NIM1K: variants seen among roughly 807,000 people sequenced by gnomAD.
NIM1K encodes NIM1 serine/threonine protein kinase, also known as serine/threonine-protein kinase NIM1.
NIM1K carries 35 observed loss-of-function variants against 37.1 expected under a neutral mutation model. The ratio of observed to expected loss-of-function variants is 0.94; its 90% CI spans 0.72 to 1.25. NIM1K has a LOEUF of 1.25. NIM1K is among the 50% of genes most tolerant of loss of function. NIM1K has a pLI of 0.00. For missense variants in NIM1K, 564 were observed against 548.0 expected (o/e 1.03, Z -0.29); for synonymous variants, 234 against 206.6 (o/e 1.13, Z -1.14).
chr5:43,240,222 C>A (rs144854222), intron 1 of NIM1K: 2 of 151,474 alleles, frequency 1.3e-5, no homozygotes, highest in African/African-American at 4.9e-5. Context: ...TACAGGTGTG[C>A]GCCACCCAGC....
Position 43,280,108 on chromosome 5 carries a change from C to A in NIM1K, c.690C>A (p.Phe230Leu), listed in dbSNP as rs1753413429. Residue 230 changes from phenylalanine to leucine, a missense_variant, in exon 4 of 4, where the codon TTC becomes TTA. By Grantham distance (22) the Phe-to-Leu change is conservative. Coordinates refer to ENST00000326035, the MANE Select transcript of NIM1K (RefSeq NM_153361.4). ...VSKKGEMLNT[F>L]CGSPPYAAPE... ...AAAAAGGTGAAATGCTGAACACTTTCTGTGGGTCTCCTCCCTACGCTGCGC... is the reference window on the plus strand; with the variant it reads ...AAAAAGGTGAAATGCTGAACACTTTATGTGGGTCTCCTCCCTACGCTGCGC... 2 of 1,614,234 alleles carry A rather than the reference C, an allele frequency of 1.2e-6. No homozygotes were observed. The highest frequency in any genetic ancestry group is 1.1e-5 in the South Asian group (1 of 91,090).
chr5:43,257,441 C>A (rs1752963363), intron 2 of NIM1K, among the ~76,000 whole-genome samples: 1 of 144,666 alleles, frequency 6.9e-6, no homozygotes, highest in Admixed American at 7.2e-5. Context: ...GATCTCGGCT[C>A]ACTGCAACCT....
At chr5:43,229,604 A>G (rs1388587859) in intron 1 of NIM1K, among the ~76,000 whole-genome samples, 3 of 149,908 alleles carry the variant, frequency 2.0e-5, no homozygotes, top group South Asian at 2.1e-4. Context: ...ATATCAACCT[A>G]TATCTGTATC....
At chr5:43,265,541 G>C (rs1217206158) in intron 2 of NIM1K, among the ~76,000 whole-genome samples, 3 of 152,136 alleles carry the variant, frequency 2.0e-5, no homozygotes, top group Non-Finnish European at 4.4e-5. Flanking sequence ...AAGGTTTTTA[G>C]CTTCTTTGAG....
intron 1 of NIM1K, among the ~76,000 whole-genome samples, chr5:43,209,597 T>G (rs1445513038): frequency 6.6e-6 from 1 of 152,008 alleles, no homozygotes; most frequent in African/African-American, 2.4e-5. Flanking sequence ...CTACCTTTAT[T>G]TATTTATTTT....
intron 1 of NIM1K, among the ~76,000 whole-genome samples, chr5:43,236,690 G>A (rs1007466885): frequency 6.6e-6 from 1 of 152,196 alleles, no homozygotes; most frequent in Admixed American, 6.5e-5. Context: ...TGATGGCAAA[G>A]GGAACCTCAA....
chr5:43,252,148 G>T (rs1752875467), intron 2 of NIM1K, among the ~76,000 whole-genome samples: 1 of 152,132 alleles, frequency 6.6e-6, no homozygotes, highest in Non-Finnish European at 1.5e-5. Flanking sequence ...ATAATAATTA[G>T]TGTTTATATA....
chr5:43,243,728 T>A (rs1752737790), intron 1 of NIM1K, among the ~76,000 whole-genome samples: 1 of 152,094 alleles, frequency 6.6e-6, no homozygotes, highest in African/African-American at 2.4e-5. Context: ...CAGGCTGGAG[T>A]ACAGTGGCTT....
At position 43,277,055 on chromosome 5, in the gene NIM1K, A is replaced by C. The variant is rs764264566; in HGVS notation, c.293-2A>C. The C allele has an allele frequency of 3.7e-6, 6 of 1,611,522 alleles. No individual in the cohort carries two copies. On this transcript the variant is annotated splice_acceptor_variant, in intron 2 of 3. Transcript: ENST00000326035. LOFTEE classifies it high-confidence loss of function. The stretch of plus-strand genomic sequence containing the variant: ...CACAATTTTTACTTTTTTTCCTTGC[A>C]GAAAAGGTGGCCATTAAGATCCTGG...
intron 1 of NIM1K, chr5:43,232,176 C>T (rs1245226792): frequency 2.0e-6 from 2 of 979,734 alleles, no homozygotes; most frequent in African/African-American, 3.2e-5. Flanking sequence ...TTGATGGTGG[C>T]AATGGCAGCA....
intron 2 of NIM1K, among the ~76,000 whole-genome samples, chr5:43,265,262 C>G (rs893580927): frequency 6.6e-6 from 1 of 152,162 alleles, no homozygotes; most frequent in East Asian, 1.9e-4. Context: ...ACCAATCAGA[C>G]GTAGATTTGG....
chr5:43,217,821 C>G (rs773418625), intron 1 of NIM1K, among the ~76,000 whole-genome samples: 11 of 149,660 alleles, frequency 7.3e-5, no homozygotes, highest in Non-Finnish European at 1.3e-4. Flanking sequence ...AAGAAATTCT[C>G]CTGCCTCAGC....
intron 1 of NIM1K, among the ~76,000 whole-genome samples, chr5:43,239,848 G>GT (rs1386856527): frequency 2.0e-5 from 3 of 151,906 alleles, no homozygotes; most frequent in Non-Finnish European, 4.4e-5. Flanking sequence ...CCATTTTGAG[G>GT]TTTTTTGTTT....
chr5:43,270,431 C>T (rs992073393), intron 2 of NIM1K, among the ~76,000 whole-genome samples: 3 of 152,036 alleles, frequency 2.0e-5, no homozygotes, highest in Non-Finnish European at 4.4e-5. Flanking sequence ...AAGAGAGATT[C>T]CAGTAGGTTG....
At chr5:43,216,659 C>A (rs1298693673) in intron 1 of NIM1K, among the ~76,000 whole-genome samples, 1 of 152,136 alleles carries the variant, frequency 6.6e-6, no homozygotes, top group African/African-American at 2.4e-5. Context: ...GAGGTGTCTT[C>A]AATTTCTTGC....
At chr5:43,229,677 C>T (rs1195842508) in intron 1 of NIM1K, among the ~76,000 whole-genome samples, 4 of 149,328 alleles carry the variant, frequency 2.7e-5, no homozygotes, top group Non-Finnish European at 5.9e-5. Context: ...GGCTCTGTTG[C>T]CCAGGCTGGA....
At chr5:43,278,044 C>T (rs1400493779) in intron 3 of NIM1K, among the ~76,000 whole-genome samples, 9 of 141,980 alleles carry the variant, frequency 6.3e-5, no homozygotes, top group Non-Finnish European at 1.2e-4. Context: ...TCCTTTCTTT[C>T]TGTTTCTTTT....
intron 1 of NIM1K, among the ~76,000 whole-genome samples, chr5:43,225,113 T>C (rs1752435963): frequency 6.6e-6 from 1 of 152,144 alleles, no homozygotes; most frequent in Non-Finnish European, 1.5e-5. Context: ...TATATATTCT[T>C]AAGCTACAGT....
At chr5:43,199,222 T>A (rs868242130) in intron 1 of NIM1K, among the ~76,000 whole-genome samples, 15,556 of 105,978 alleles carry the variant, frequency 0.15, 1,757 homozygotes, top group Middle Eastern at 0.21. Flanking sequence ...TATATATATA[T>A]ATATATATAT....
Sources: gnomAD v4.1 joint callset for allele counts (sites outside exome capture counted in the v4.1 genomes callset) on GRCh38, gnomAD v4.1.1 for gene constraint, MANE v1.5 for transcripts, NCBI Gene and HGNC (gene_info 2026-07-23, HGNC 2026-07-21) for gene names.